Variants in TBCK observed in about 807,000 individuals in gnomAD.
TBCK encodes the protein TBC1 domain containing kinase, also known as TBC domain-containing protein kinase-like protein.
In TBCK, 99 loss-of-function variants were observed where a neutral mutation model predicts 113.4. The observed-to-expected ratio is 0.87, with a 90% confidence interval of 0.74 to 1.03. The LOEUF is 1.03. Ranked by LOEUF, TBCK falls within the 50% of genes least tolerant of loss-of-function variation. The pLI, the probability that TBCK is intolerant of heterozygous loss-of-function variation, is 0.00. For missense variants in TBCK, 1,045 were observed against 1,061.3 expected (o/e 0.98, Z 0.21); for synonymous variants, 369 against 370.8 (o/e 1.00, Z 0.05).
upstream of TBCK, chr4:106,316,612 G>C: frequency 6.4e-7 from 1 of 1,550,614 alleles, no homozygotes; most frequent in Non-Finnish European, 8.7e-7. Context: ...ACGTCGTGGC[G>C]GGTCACTCAC....
At chr4:106,146,400 A>C (rs1008571454) in intron 23 of TBCK, among the ~76,000 whole-genome samples, 2 of 152,176 alleles carry the variant, frequency 1.3e-5, no homozygotes, top group South Asian at 2.1e-4. Flanking sequence ...TGATAAGAAC[A>C]TATGAACACA....
At chr4:106,156,194 T>C (rs906099165) in intron 23 of TBCK, among the ~76,000 whole-genome samples, 2 of 152,166 alleles carry the variant, frequency 1.3e-5, no homozygotes, top group African/African-American at 2.4e-5. Context: ...ACTGTTGTTC[T>C]TTCCCCTTAC....
At chr4:106,184,853 A>G (rs1752826852) in intron 22 of TBCK, among the ~76,000 whole-genome samples, 1 of 152,090 alleles carries the variant, frequency 6.6e-6, no homozygotes, top group South Asian at 2.1e-4. Context: ...GAAATGCAAT[A>G]CATTACTGAT....
chr4:106,093,602 T>G (rs973594916), intron 25 of TBCK, among the ~76,000 whole-genome samples: 1 of 152,218 alleles, frequency 6.6e-6, no homozygotes, highest in Non-Finnish European at 1.5e-5. Context: ...ATCAATAGTC[T>G]TAAAGTTCTA....
intron 11 of TBCK, among the ~76,000 whole-genome samples, chr4:106,243,847 C>A (rs1760456120): frequency 6.6e-6 from 1 of 152,000 alleles, no homozygotes; most frequent in South Asian, 2.1e-4. Flanking sequence ...CAACACCACG[C>A]CCAGCTAATT....
At chr4:106,059,747 A>G (rs1735826887) in intron 25 of TBCK, among the ~76,000 whole-genome samples, 1 of 151,836 alleles carries the variant, frequency 6.6e-6, no homozygotes, top group Non-Finnish European at 1.5e-5. Context: ...AAATCTAGAA[A>G]TAAGATTAAG....
At chr4:106,133,789 G>A (rs1746235350) in intron 23 of TBCK, among the ~76,000 whole-genome samples, 1 of 152,180 alleles carries the variant, frequency 6.6e-6, no homozygotes, top group African/African-American at 2.4e-5. Flanking sequence ...TGTGGGCCTT[G>A]GCCACTTGAA....
intron 19 of TBCK, among the ~76,000 whole-genome samples, chr4:106,214,297 A>C (rs1579266154): frequency 6.6e-6 from 1 of 152,204 alleles, no homozygotes; most frequent in Non-Finnish European, 1.5e-5. Flanking sequence ...TGGAAACTCT[A>C]AAAATCAGAG....
intron 23 of TBCK, among the ~76,000 whole-genome samples, chr4:106,169,366 T>C (rs1750743019): frequency 6.6e-6 from 1 of 151,984 alleles, no homozygotes; most frequent in South Asian, 2.1e-4. Flanking sequence ...TGAAAAAGAA[T>C]AGAGAGTTCA....
At chr4:106,311,659 T>A (rs1768208891) in intron 1 of TBCK, among the ~76,000 whole-genome samples, 1 of 152,094 alleles carries the variant, frequency 6.6e-6, no homozygotes, top group African/African-American at 2.4e-5. Context: ...AATAGCCTAG[T>A]TTTTAGCTGG....
At chr4:106,168,781 A>C (rs1338403658) in intron 23 of TBCK, among the ~76,000 whole-genome samples, 1 of 151,966 alleles carries the variant, frequency 6.6e-6, no homozygotes, top group Non-Finnish European at 1.5e-5. Context: ...CTAACTATAT[A>C]TATATAAGAT....
chr4:106,244,688 C>G lies in TBCK; in HGVS notation c.1008G>C (p.Leu336Phe). ...TTTCCTTGTTGACAAGCTCTTTCTCCAAGTCACCTCCAGCCAAACACCAAA... is the reference window on the plus strand; with the variant it reads ...TTTCCTTGTTGACAAGCTCTTTCTCGAAGTCACCTCCAGCCAAACACCAAA... Reference protein sequence around the residue: ...YYLWCLAGGDLEKELVNKEII... With the variant: ...YYLWCLAGGDFEKELVNKEII... Residue 336 changes from leucine to phenylalanine, a missense_variant, in exon 11 of 26, where the codon TTG (leucine) becomes TTC (phenylalanine). Coordinates refer to ENST00000394708, the MANE Select transcript of TBCK (RefSeq NM_001163435.3). The G allele has an allele frequency of 6.2e-7, 1 of 1,612,074 alleles. No individual in the cohort carries two copies.
intron 22 of TBCK, among the ~76,000 whole-genome samples, chr4:106,187,888 T>C (rs755303183): frequency 6.6e-6 from 1 of 152,208 alleles, no homozygotes; most frequent in African/African-American, 2.4e-5. Context: ...CTGATTTATA[T>C]ATATTGATTT....
intron 20 of TBCK, 54 bp from the exon 21 acceptor site, chr4:106,194,808 A>G: frequency 1.4e-6 from 2 of 1,403,920 alleles, no homozygotes; most frequent in Non-Finnish European, 9.8e-7. Flanking sequence ...TAAAAAAGAT[A>G]ATTAGAATGA....
chr4:106,051,076 A>C (rs1222807925), intron 25 of TBCK, among the ~76,000 whole-genome samples: 1 of 151,904 alleles, frequency 6.6e-6, no homozygotes, highest in Non-Finnish European at 1.5e-5. Flanking sequence ...GTAGCAGGAG[A>C]ATAAGTGAAG....
chr4:106,224,679 C>G (rs1242503115), intron 19 of TBCK, among the ~76,000 whole-genome samples: 1 of 152,120 alleles, frequency 6.6e-6, no homozygotes, highest in African/African-American at 2.4e-5. Flanking sequence ...ATACAGTGTA[C>G]TGTTTCAGCT....
chr4:106,251,816 C>T lies in TBCK; in HGVS notation c.597+50G>A, dbSNP rs562519309. 12 of 1,392,468 alleles carry T rather than the reference C, an allele frequency of 8.6e-6. No individual in the cohort carries two copies. The Admixed American group carries it at 2.7e-4, about 31-fold the overall frequency. 86.3% of individuals were successfully genotyped at this position (1,392,468 alleles called of 1,614,324 possible). A position where few individuals can be genotyped will look rare whatever the true frequency, so the allele number is the denominator to read the frequency against. On this transcript the variant is annotated intron_variant, in intron 6 of 25. Coordinates refer to ENST00000394708, the MANE Select transcript of TBCK (RefSeq NM_001163435.3). ...AACTTTCCTCTCCAAAAGATTATTC[C>T]AATAAATGCACAATTTCCTTTTATT...
At chr4:106,117,960 C>T (rs1340123940) in intron 23 of TBCK, among the ~76,000 whole-genome samples, 2 of 148,692 alleles carry the variant, frequency 1.3e-5, no homozygotes, top group African/African-American at 5.0e-5. Flanking sequence ...AGTGAGCCAA[C>T]ATAGTGCCAC....
chr4:106,246,162 C>T (rs1267136765), intron 10 of TBCK, among the ~76,000 whole-genome samples: 1 of 152,052 alleles, frequency 6.6e-6, no homozygotes, highest in Admixed American at 6.6e-5. Flanking sequence ...TCCTGCTATG[C>T]TGCCATTGTG....
Sources: allele counts gnomAD v4.1 joint callset (sites outside exome capture counted in the v4.1 genomes callset), GRCh38; gene constraint gnomAD v4.1.1; transcripts MANE v1.5; gene names NCBI Gene and HGNC (gene_info 2026-07-23, HGNC 2026-07-21).